KIAA0825: variants seen among roughly 807,000 people sequenced by gnomAD.
KIAA0825 encodes the protein KIAA0825, also known as uncharacterized protein KIAA0825.
Under a neutral mutation model 147.6 loss-of-function variants are expected in KIAA0825, and 119 were observed. The observed-to-expected ratio is 0.81, with a 90% CI of 0.69 to 0.94. KIAA0825 has a LOEUF of 0.94. KIAA0825 is among the 40% of genes least tolerant of loss of function. The pLI is 0.00. For missense variants in KIAA0825, 1,381 were observed against 1,472.7 expected, an observed-to-expected ratio of 0.94 and a Z score of 1.02; for synonymous variants, 470 against 518.1, an observed-to-expected ratio of 0.91 and a Z score of 1.26.
intron 6 of KIAA0825, among the ~76,000 whole-genome samples, 198 bp downstream of exon 6, chr5:94,484,571 T>G (rs1048357396): frequency 6.6e-6 from 1 of 151,780 alleles, no homozygotes; most frequent in African/African-American, 2.4e-5. Flanking sequence ...TCAATTAGAA[T>G]TAAGGAACTT....
At position 94,374,843 on chromosome 5, in the gene KIAA0825, G is replaced by A. The variant is rs534849903; in HGVS notation, c.3710+9525C>T. ...ACTTCCTCCTCTTAATCCTTCATGT[G>A]CATCTCTCTCCTAAAATCCTCTTGC... On this transcript the variant is annotated intron_variant, in intron 20 of 20. Coordinates refer to ENST00000682413, the MANE Select transcript of KIAA0825 (RefSeq NM_001145678.3). 5.9e-5 allele frequency among the ~76,000 whole-genome samples: 9 copies of A among 152,092 alleles called. 1 individual carries two copies. In the South Asian group the frequency reaches 1.9e-3, roughly 32 times the overall value.
chr5:94,173,215 GA>G (rs1768795126), intron 20 of KIAA0825, among the ~76,000 whole-genome samples: 1 of 146,754 alleles, frequency 6.8e-6, no homozygotes, highest in Non-Finnish European at 1.5e-5. Context: ...AATACCATAG[GA>G]AACTAGGGAG....
chr5:94,236,159 G>A (rs1775030663), intron 20 of KIAA0825, among the ~76,000 whole-genome samples: 1 of 152,174 alleles, frequency 6.6e-6, no homozygotes, highest in Non-Finnish European at 1.5e-5. Context: ...TGATGGACCT[G>A]GGAAAAGTCA....
chr5:94,278,817 C>T (rs1276999741), intron 20 of KIAA0825, among the ~76,000 whole-genome samples: 1 of 130,458 alleles, frequency 7.7e-6, no homozygotes, highest in Non-Finnish European at 1.6e-5. Context: ...TCTGTTTTGT[C>T]TCAAATTATC....
chr5:94,240,159 T>C (rs1012254366), intron 20 of KIAA0825, among the ~76,000 whole-genome samples: 11 of 152,234 alleles, frequency 7.2e-5, no homozygotes, highest in Admixed American at 5.9e-4. Context: ...AATAATTCTA[T>C]GATTTATTGC....
rs146425407 is a variant in KIAA0825 at position 94,316,372 on chromosome 5, T to C, written c.3710+67996A>G. The stretch of plus-strand genomic sequence containing the variant: ...TTTTTCCTCAAAAACTGAAGTATAA[T>C]ATTTTCTATAATACCAAAAAAAAAA... On this transcript the variant is annotated intron_variant, in intron 20 of 20. Coordinates refer to ENST00000682413, the MANE Select transcript of KIAA0825 (RefSeq NM_001145678.3). Among the ~76,000 whole-genome samples the C allele has an allele frequency of 1.7e-4, 26 of 151,660 alleles. No homozygotes were observed. The South Asian group carries it at 2.3e-3, about 13-fold the overall frequency.
intron 5 of KIAA0825, among the ~76,000 whole-genome samples, chr5:94,500,716 T>C (rs1764969164): frequency 6.6e-6 from 1 of 152,164 alleles, no homozygotes; most frequent in Non-Finnish European, 1.5e-5. Flanking sequence ...ACTGTTGGAA[T>C]CATCATGATA....
At position 94,391,613 on chromosome 5, in the gene KIAA0825, C is replaced by T. The variant is rs765753863; in HGVS notation, c.3378G>A (p.Thr1126=). 12 of 1,551,426 alleles carry T rather than the reference C, an allele frequency of 7.7e-6. No homozygotes were observed. The highest frequency in any genetic ancestry group is 6.8e-5 in the African/African-American group (5 of 73,030). ...ALELTEQKIN[T]MVLDLCHKPG... ...GTTTGTGGCAGAGATCCAGGACCAT[C>T]GTGTTTATTTTCTGCTCAGTCAGTT... Residue 1126 remains threonine (T), a synonymous_variant, in exon 18 of 21, where the codon ACG becomes ACA. Coordinates refer to ENST00000682413, the MANE Select transcript of KIAA0825 (RefSeq NM_001145678.3).
intron 20 of KIAA0825, among the ~76,000 whole-genome samples, chr5:94,158,987 A>G (rs1349705081): frequency 6.6e-6 from 1 of 152,228 alleles, no homozygotes; most frequent in African/African-American, 2.4e-5. Flanking sequence ...CAGTTACACA[A>G]ATAGGGGATA....
intron 20 of KIAA0825, among the ~76,000 whole-genome samples, chr5:94,196,028 C>T (rs1035461603): frequency 3.4e-4 from 51 of 152,162 alleles, no homozygotes; most frequent in African/African-American, 1.2e-3. Context: ...TTGGAATCTA[C>T]TCTGTCAGGG....
chr5:94,224,284 A>G (rs1387789067), intron 20 of KIAA0825, among the ~76,000 whole-genome samples: 1 of 150,818 alleles, frequency 6.6e-6, no homozygotes, highest in Non-Finnish European at 1.5e-5. Flanking sequence ...TTTAATAAAG[A>G]CTGGTTTCGC....
intron 20 of KIAA0825, among the ~76,000 whole-genome samples, chr5:94,380,825 G>A (rs1748308716): frequency 6.6e-6 from 1 of 152,228 alleles, no homozygotes; most frequent in South Asian, 2.1e-4. Context: ...GGAAGGAGAT[G>A]TTTTGAGATG....
intron 20 of KIAA0825, among the ~76,000 whole-genome samples, chr5:94,362,964 C>T (rs902272489): frequency 4.6e-5 from 7 of 152,106 alleles, no homozygotes; most frequent in East Asian, 1.9e-4. Context: ...CTATCTATTC[C>T]GTAACTATCT....
chr5:94,413,321 T>C (rs934641071), intron 15 of KIAA0825: 4 of 152,128 alleles, frequency 2.6e-5, no homozygotes, highest in African/African-American at 7.2e-5. Context: ...GGGATGACTG[T>C]AGTCCCACAA....
chr5:94,511,709 C>G (rs1175121194), intron 5 of KIAA0825, among the ~76,000 whole-genome samples: 3 of 151,984 alleles, frequency 2.0e-5, no homozygotes, highest in African/African-American at 7.2e-5. Context: ...TTGACTTGGC[C>G]GGGCGCAGTG....
At chr5:94,214,007 A>G (rs888913694) in intron 20 of KIAA0825, among the ~76,000 whole-genome samples, 3 of 152,170 alleles carry the variant, frequency 2.0e-5, no homozygotes, top group Admixed American at 1.3e-4. Flanking sequence ...CACACATCAC[A>G]TTCACAATGA....
intron 2 of KIAA0825, among the ~76,000 whole-genome samples, chr5:94,539,700 C>A (rs928141433): frequency 6.6e-6 from 1 of 152,054 alleles, no homozygotes; most frequent in African/African-American, 2.4e-5. Context: ...TCTCCTAAGA[C>A]ACTGGGTTAG....
chr5:94,456,733 G>T (rs995487583), intron 12 of KIAA0825, among the ~76,000 whole-genome samples: 1 of 152,160 alleles, frequency 6.6e-6, no homozygotes, highest in African/African-American at 2.4e-5. Flanking sequence ...TTAGCAAAGT[G>T]CCTTGTACAC....
chr5:94,281,596 T>C, intron 20 of KIAA0825, among the ~76,000 whole-genome samples: 1 of 152,038 alleles, frequency 6.6e-6, no homozygotes, highest in Non-Finnish European at 1.5e-5. Flanking sequence ...CTATTGAAAG[T>C]GGGGGCTGGA....
Sources: gnomAD v4.1 joint callset for allele counts (sites outside exome capture counted in the v4.1 genomes callset) on GRCh38, gnomAD v4.1.1 for gene constraint, MANE v1.5 for transcripts, NCBI Gene and HGNC (gene_info 2026-07-23, HGNC 2026-07-21) for gene names.